The following AGAP1 variants were observed in gnomAD, a reference collection of about 807,000 sequenced individuals.
AGAP1 encodes the protein arf-GAP with GTPase, ANK repeat and PH domain-containing protein 1.
In AGAP1, 29 loss-of-function variants were observed where a neutral mutation model predicts 105.3. That is an observed-to-expected ratio of 0.28 (90% confidence interval 0.21 to 0.38). The LOEUF is 0.38. Among genes scored for constraint, AGAP1 ranks in the 10% least tolerant of loss-of-function variants. The pLI, the probability that AGAP1 is intolerant of heterozygous loss-of-function variation, is 1.00. For missense variants in AGAP1, 998 were observed against 1,165.1 expected, an observed-to-expected ratio of 0.86 and a Z score of 2.09; for synonymous variants, 509 against 485.9, an observed-to-expected ratio of 1.05 and a Z score of -0.63.
intron 3 of AGAP1, among the ~76,000 whole-genome samples, chr2:235,738,853 C>T (rs988074833): frequency 3.0e-4 from 46 of 152,226 alleles, no homozygotes; most frequent in African/African-American, 1.0e-3. Flanking sequence ...CCACCGCGCC[C>T]AGCCTTAAAT....
chr2:235,536,142 TACAC>T (rs58090095), intron 1 of AGAP1, among the ~76,000 whole-genome samples: 1,511 of 16,156 alleles, frequency 0.094, 11 homozygotes, highest in East Asian at 0.27. Context: ...TGTGGCATCC[TACAC>T]ACACACACAC....
chr2:235,549,343 T>G lies in AGAP1; in HGVS notation c.163+54494T>G, dbSNP rs112309790. 4.7e-4 allele frequency among the ~76,000 whole-genome samples: 71 copies of G among 152,168 alleles called. 1 individual carries two copies. Among genetic ancestry groups the G allele is most frequent in the South Asian group, 1.9e-3 (9 of 4,810 alleles). On this transcript the variant is annotated intron_variant, in intron 1 of 17. Transcript: ENST00000304032. The surrounding 1 kb of genome is among the most constrained non-coding windows in gnomAD (Gnocchi z 4.2). ...GGATGCCAGCTCTCACCTGGGAAGG[T>G]CAGCGTGCAGGGTTGCAGACTGCTT...
chr2:235,589,048 C>T (rs1945227264), intron 1 of AGAP1, among the ~76,000 whole-genome samples: 2 of 152,082 alleles, frequency 1.3e-5, no homozygotes, highest in African/African-American at 2.4e-5. Context: ...CCAGATTTCA[C>T]AGGTGCTCCT....
At chr2:235,657,523 C>T (rs1426382920) in intron 1 of AGAP1, among the ~76,000 whole-genome samples, 4 of 152,210 alleles carry the variant, frequency 2.6e-5, no homozygotes, top group Non-Finnish European at 5.9e-5. Flanking sequence ...GGATTACAGG[C>T]GCCCGCCACC....
intron 16 of AGAP1, among the ~76,000 whole-genome samples, chr2:236,117,841 G>A (rs1005857731): frequency 2.6e-5 from 4 of 152,074 alleles, no homozygotes; most frequent in African/African-American, 9.7e-5. Context: ...TCCTGAACCC[G>A]TATTTCCCAG....
chr2:235,807,362 T>A (rs8178996), intron 9 of AGAP1, 31 bp downstream of exon 9: 453,038 of 1,555,848 alleles, frequency 0.29, 67,854 homozygotes, highest in African/African-American at 0.32. Flanking sequence ...TCCCTCCCTG[T>A]CGCCGGAGAT....
chr2:235,682,989 C>G (rs1388709586), intron 1 of AGAP1, among the ~76,000 whole-genome samples: 2 of 152,058 alleles, frequency 1.3e-5, no homozygotes, highest in African/African-American at 2.4e-5. Context: ...TCCTGGAAAA[C>G]GCAAAGTAAA....
At chr2:235,946,751 G>A (rs962577263) in intron 12 of AGAP1, among the ~76,000 whole-genome samples, 2 of 152,096 alleles carry the variant, frequency 1.3e-5, no homozygotes, top group African/African-American at 4.8e-5. Flanking sequence ...ATCGCCAGGC[G>A]TCATTGTTCT....
At chr2:236,086,759 G>A (rs2058937641) in intron 16 of AGAP1, among the ~76,000 whole-genome samples, 1 of 152,170 alleles carries the variant, frequency 6.6e-6, no homozygotes, top group Admixed American at 6.6e-5. Flanking sequence ...GGACCCCAGA[G>A]ATACACAGGA....
rs1948044359 is a variant in AGAP1 at position 235,663,918 on chromosome 2, T to C, written c.164-45261T>C. ...ACCCAATACTAGGAAGATTAGATAATGTGTAGGGATTTCTTGGTTTTTCTG... is the reference window on the plus strand; with the variant it reads ...ACCCAATACTAGGAAGATTAGATAACGTGTAGGGATTTCTTGGTTTTTCTG... On this transcript the variant is annotated intron_variant, in intron 1 of 17. Transcript: ENST00000304032. The surrounding 1 kb of genome is among the most constrained non-coding windows in gnomAD (Gnocchi z 5.4). Among the ~76,000 whole-genome samples the C allele has an allele frequency of 6.6e-6, 1 of 152,262 alleles. No homozygotes were observed. The highest frequency in any genetic ancestry group is 1.9e-4 in the East Asian group (1 of 5,168).
In AGAP1 at chr2:235,731,044, C is replaced by A. The variant is rs147994486; in HGVS notation, c.311-9919C>A. On this transcript the variant is annotated intron_variant, in intron 3 of 17. Transcript: ENST00000304032. ...CTTCTGCTGCTATTCTGGACAAAAA[C>A]CTCTATCAGGACAGAGACCTTGTCT... Among the ~76,000 whole-genome samples, 1,272 of 152,240 alleles carry A rather than the reference C, an allele frequency of 8.4e-3. 19 individuals are homozygous for A. The highest frequency in any genetic ancestry group is 0.034 in the South Asian group (165 of 4,824).
rs1177866698 is a variant in AGAP1, at chr2:235,553,095, A to G, written c.163+58246A>G. Among the ~76,000 whole-genome samples, 2 of 152,182 alleles carry G rather than the reference A, an allele frequency of 1.3e-5. No individual in the cohort carries two copies. Among genetic ancestry groups the G allele is most frequent in the Non-Finnish European group, 2.9e-5 (2 of 68,024 alleles). On this transcript the variant is annotated intron_variant, in intron 1 of 17. Coordinates refer to ENST00000304032, the MANE Select transcript of AGAP1 (RefSeq NM_001037131.3). This position sits in a 1 kb window ranked among gnomAD's most constrained non-coding sequence, Gnocchi z 4.5. Reference sequence around the variant, plus strand: ...CAAGTAGCATTAATACTATAACTGAATATACAGTCAGCTACTCACCACTCG... The same window carrying G: ...CAAGTAGCATTAATACTATAACTGAGTATACAGTCAGCTACTCACCACTCG...
chr2:235,995,893 G>A (rs2125479513), intron 13 of AGAP1, among the ~76,000 whole-genome samples: 2 of 152,248 alleles, frequency 1.3e-5, no homozygotes, highest in South Asian at 4.1e-4. Context: ...TGGGTTTGGA[G>A]GTCATTGTGC....
intron 1 of AGAP1, among the ~76,000 whole-genome samples, chr2:235,618,757 A>C (rs1017451804): frequency 6.6e-6 from 1 of 152,232 alleles, no homozygotes; most frequent in Admixed American, 6.5e-5. Context: ...GCAGAAATCA[A>C]AACCTGGGTG....
intron 1 of AGAP1, among the ~76,000 whole-genome samples, chr2:235,531,545 C>T (rs997903041): frequency 6.6e-5 from 10 of 151,686 alleles, no homozygotes; most frequent in African/African-American, 2.2e-4. Flanking sequence ...CATGTGTCCT[C>T]GCTTGTGCCA....
intron 13 of AGAP1, among the ~76,000 whole-genome samples, chr2:235,997,657 G>A (rs1400895494): frequency 5.3e-5 from 8 of 152,140 alleles, no homozygotes; most frequent in South Asian, 2.1e-4. Context: ...AAGAAGAAGC[G>A]GTTTTGAGAG....
intron 9 of AGAP1, among the ~76,000 whole-genome samples, chr2:235,847,387 G>A (rs1961623093): frequency 6.6e-6 from 1 of 152,130 alleles, no homozygotes; most frequent in Non-Finnish European, 1.5e-5. Flanking sequence ...AAAGAAAAAT[G>A]ATTCACAATG....
At chr2:235,928,746 C>T (rs1211072798) in intron 11 of AGAP1, among the ~76,000 whole-genome samples, 2 of 151,878 alleles carry the variant, frequency 1.3e-5, no homozygotes, top group African/African-American at 4.9e-5. Context: ...AGGGATCTGG[C>T]TAAGGCACAC....
At position 235,750,299 on chromosome 2, in the gene AGAP1, A is replaced by G. The variant is rs935195058; in HGVS notation, c.539-55A>G. 3 of 1,607,908 alleles carry G rather than the reference A, an allele frequency of 1.9e-6. No homozygotes were observed. The highest frequency in any genetic ancestry group is 2.7e-5 in the African/African-American group (2 of 74,806). ...TTTCCGTGTTGTGGGGAGTGTAGGA[A>G]GTATTTAGAGCTGTCATTGTCACTG... On this transcript the variant is annotated intron_variant, in intron 5 of 17. Transcript: ENST00000304032. The surrounding 1 kb of genome is among the most constrained non-coding windows in gnomAD (Gnocchi z 5.3).
Sources: allele counts gnomAD v4.1 joint callset (sites outside exome capture counted in the v4.1 genomes callset), GRCh38; gene constraint gnomAD v4.1.1; non-coding constraint Gnocchi (gnomAD v3.1); transcripts MANE v1.5; gene names NCBI Gene and HGNC (gene_info 2026-07-23, HGNC 2026-07-21).